TAMM41: variants seen among roughly 807,000 people sequenced by gnomAD.
TAMM41 encodes the protein phosphatidate cytidylyltransferase, mitochondrial.
In TAMM41, 36 loss-of-function variants were observed where a neutral mutation model predicts 44.1. That is an observed-to-expected ratio of 0.82 (90% CI 0.63 to 1.08). The LOEUF is 1.08. TAMM41 is among the 50% of genes least tolerant of loss of function. TAMM41 has a pLI of 0.00. For missense variants in TAMM41, 417 were observed against 404.3 expected (o/e 1.03, Z -0.27); for synonymous variants, 164 against 153.1 (o/e 1.07, Z -0.53).
At chr3:11,727,490 G>A in the TAMM41 span, among the ~76,000 whole-genome samples, 1 of 152,110 alleles carries the variant, frequency 6.6e-6, no homozygotes, top group Non-Finnish European at 1.5e-5. Context: ...TTTCAGACAG[G>A]GTCTTGCTCT....
At position 11,790,552 on chromosome 3, in the gene TAMM41, G is replaced by T; in HGVS notation, c.967C>A (p.Leu323Ile). 1 of 1,614,098 alleles carries T rather than the reference G, an allele frequency of 6.2e-7. No individual in the cohort carries two copies. Among genetic ancestry groups the T allele is most frequent in the Non-Finnish European group, 8.5e-7 (1 of 1,180,008 alleles). ...GLKKSVIYSS[L>I]KLHKMWKGWL... Reference sequence around the variant, plus strand: ...CCTTTCCACATTTTGTGCAGTTTTAGTGAACTATAAATCACTGACTTCTTC... The same window carrying T: ...CCTTTCCACATTTTGTGCAGTTTTATTGAACTATAAATCACTGACTTCTTC... Residue 323 changes from leucine (L) to isoleucine (I), a missense_variant, in exon 8 of 8, where the codon CTA becomes ATA. Physicochemically the swap from Leu to Ile is conservative, Grantham distance 5. Transcript: ENST00000455809.
the TAMM41 span, among the ~76,000 whole-genome samples, chr3:11,770,610 T>C: frequency 6.6e-6 from 1 of 152,206 alleles, no homozygotes; most frequent in African/African-American, 2.4e-5. Flanking sequence ...CGTGCTGATC[T>C]GAAGCTCTGA....
At chr3:11,808,089 C>G (rs547046410) in intron 6 of TAMM41, 194 bp from the exon 7 acceptor site, 310 of 1,156,784 alleles carry the variant, frequency 2.7e-4, no homozygotes, top group Middle Eastern at 2.1e-3. Flanking sequence ...AGCAGCCAGC[C>G]GTGGCGCCAC....
chr3:11,841,105 CAG>C (rs1212211316), intron 2 of TAMM41, among the ~76,000 whole-genome samples: 6 of 94,246 alleles, frequency 6.4e-5, no homozygotes, highest in Non-Finnish European at 9.7e-5. Flanking sequence ...TTTTTTGAGA[CAG>C]AGTCTTACTC....
the TAMM41 span, among the ~76,000 whole-genome samples, chr3:11,728,283 C>G: frequency 2.6e-5 from 4 of 152,186 alleles, no homozygotes; most frequent in Non-Finnish European, 5.9e-5. Context: ...CACTGCTTTC[C>G]GCACTGAATT....
the TAMM41 span, among the ~76,000 whole-genome samples, chr3:11,765,288 C>T: frequency 3.0e-4 from 46 of 152,260 alleles, no homozygotes; most frequent in African/African-American, 1.1e-3. Flanking sequence ...CCGCCATCCT[C>T]GGTATTTCAT....
chr3:11,725,334 TTCTTCTCCTCCTCCTCCTTTTTTTTC>T, the TAMM41 span, among the ~76,000 whole-genome samples: 929 of 73,958 alleles, frequency 0.013, 6 homozygotes, highest in African/African-American at 0.047. Context: ...CCTCCTTTTT[TTCTTCTCCTCCTCCTCCTTTTTTTTC>T]TTCTTCTCCT....
At chr3:11,722,957 C>T in the TAMM41 span, among the ~76,000 whole-genome samples, 1 of 151,136 alleles carries the variant, frequency 6.6e-6, no homozygotes, top group African/African-American at 2.4e-5. Context: ...AGTGAGACTC[C>T]GTCTCAAAAC....
At chr3:11,805,118 C>T (rs770262473) in intron 7 of TAMM41, among the ~76,000 whole-genome samples, 1 of 151,554 alleles carries the variant, frequency 6.6e-6, no homozygotes, top group Non-Finnish European at 1.5e-5. Context: ...ATTCTCCTGC[C>T]TCAGCCGCTC....
the TAMM41 span, chr3:11,721,944 G>C: frequency 6.6e-6 from 1 of 152,222 alleles, no homozygotes; most frequent in African/African-American, 2.4e-5. Flanking sequence ...CTTATGAACA[G>C]AGGAAAATGA....
chr3:11,771,443 T>C, the TAMM41 span: 1 of 152,234 alleles, frequency 6.6e-6, no homozygotes, highest in African/African-American at 2.4e-5. Context: ...ATGGATGACT[T>C]TGGGCTCTTT....
the TAMM41 span, among the ~76,000 whole-genome samples, chr3:11,734,806 C>T: frequency 6.9e-6 from 1 of 144,342 alleles, no homozygotes; most frequent in African/African-American, 2.6e-5. Flanking sequence ...GAGGCCGAGG[C>T]GGGTGGATCA....
At chr3:11,794,591 G>A (rs867368392) in intron 7 of TAMM41, among the ~76,000 whole-genome samples, 2,181 of 152,302 alleles carry the variant, frequency 0.014, 66 homozygotes, top group African/African-American at 0.049. Flanking sequence ...ATTCTGGTTA[G>A]AATCTAAAGT....
chr3:11,785,831 C>A (rs1024167842), downstream of TAMM41, among the ~76,000 whole-genome samples: 1 of 151,692 alleles, frequency 6.6e-6, no homozygotes, highest in Non-Finnish European at 1.5e-5. Flanking sequence ...GTTGTCCAGG[C>A]GGGCCTCAAA....
In TAMM41 at chr3:11,804,079, G is replaced by GA. The variant is rs553227344; in HGVS notation, c.937+3753dup. The stretch of plus-strand genomic sequence containing the variant: ...CCTTAAACGTTTTAAAAATTAAAAA[G>GA]AAAAAAAAGTGAAGGGGAAGCAAGC... On this transcript the variant is annotated intron_variant, in intron 7 of 7. Coordinates refer to ENST00000455809, the MANE Select transcript of TAMM41 (RefSeq NM_001284401.2). 3.0e-4 allele frequency among the ~76,000 whole-genome samples: 45 copies of GA among 151,904 alleles called. No homozygotes were observed. In the East Asian group the frequency reaches 8.5e-3, roughly 29 times the overall value.
At chr3:11,744,436 G>A in the TAMM41 span, among the ~76,000 whole-genome samples, 1 of 152,138 alleles carries the variant, frequency 6.6e-6, no homozygotes, top group South Asian at 2.1e-4. Flanking sequence ...GCTCACACCT[G>A]TAATCCCTGC....
At position 11,821,992 on chromosome 3, in the gene TAMM41, C is replaced by T. The variant is rs148927226; in HGVS notation, c.563-4655G>A. ...AATATCATATAAAATCACTTTCAGG[C>T]GATGTGTATGAGGTGTATATGAAAC... On this transcript the variant is annotated intron_variant, in intron 4 of 7. Coordinates refer to ENST00000455809, the MANE Select transcript of TAMM41 (RefSeq NM_001284401.2). Among the ~76,000 whole-genome samples the T allele has an allele frequency of 7.9e-5, 12 of 152,236 alleles. No individual in the cohort carries two copies. In the East Asian group the frequency reaches 1.5e-3, roughly 20 times the overall value.
Position 11,817,221 on chromosome 3 carries a change from C to T in TAMM41, c.679G>A (p.Val227Met). Residue 227 changes from valine to methionine, a missense_variant, in exon 5 of 8, where the codon GTG becomes ATG. Val to Met is a conservative substitution (Grantham distance 21, BLOSUM62 1). Coordinates refer to ENST00000455809, the MANE Select transcript of TAMM41 (RefSeq NM_001284401.2). ...GSILQENPQV[V>M]YKSQQGWLEI... Reference sequence around the variant, plus strand: ...AGCCAGCCTTGCTGGCTTTTATACACCACTTGAGGATTTTCCTGTAGTATG... The same window carrying T: ...AGCCAGCCTTGCTGGCTTTTATACATCACTTGAGGATTTTCCTGTAGTATG... 2 of 1,612,600 alleles carry T rather than the reference C, an allele frequency of 1.2e-6. No homozygotes were observed. The highest frequency in any genetic ancestry group is 1.7e-4 in the Middle Eastern group (1 of 6,054).
chr3:11,764,182 G>A, the TAMM41 span, among the ~76,000 whole-genome samples: 1 of 151,120 alleles, frequency 6.6e-6, no homozygotes, highest in Non-Finnish European at 1.5e-5. Context: ...TTTTTGTAGA[G>A]ACAGGGTCTC....
Sources: gnomAD v4.1 joint callset for allele counts (sites outside exome capture counted in the v4.1 genomes callset) on GRCh38, gnomAD v4.1.1 for gene constraint, MANE v1.5 for transcripts, NCBI Gene and HGNC (gene_info 2026-07-23, HGNC 2026-07-21) for gene names.